Variants in SHC2 observed in about 807,000 individuals in gnomAD.
The protein encoded by SHC2 is SHC adaptor protein 2.
In SHC2, 62 loss-of-function variants were observed where a neutral mutation model predicts 60.6. The ratio of observed to expected loss-of-function variants is 1.02; its 90% CI spans 0.83 to 1.26. SHC2 has a LOEUF of 1.26. Ranked by LOEUF, SHC2 falls within the 50% of genes most tolerant of loss-of-function variation. The pLI, the probability that SHC2 is intolerant of heterozygous loss-of-function variation, is 0.00. For synonymous variants in SHC2, 375 were observed against 372.4 expected (o/e 1.01, Z -0.08); for missense variants, 873 against 822.2 (o/e 1.06, Z -0.76).
chr19:431,317 G>A (rs1233737804), intron 8 of SHC2, among the ~76,000 whole-genome samples: 64 of 142,472 alleles, frequency 4.5e-4, no homozygotes, highest in African/African-American at 9.3e-4. Flanking sequence ...AGAGGAGGCC[G>A]GGCAGATAGA....
At chr19:435,397 G>A (rs1235514048) in intron 7 of SHC2, among the ~76,000 whole-genome samples, 3 of 152,260 alleles carry the variant, frequency 2.0e-5, no homozygotes, top group Admixed American at 1.3e-4. Flanking sequence ...GGAGGCAGGC[G>A]AGGAGCCCGT....
rs57329110 is a variant in SHC2 at position 448,292 on chromosome 19, G to A, written c.469-7360C>T. ...GAGCGGATCCTCTCCACGTCCCAGA[G>A]CCGGGAGTCTGAGGTCAAGCTGCGG... On this transcript the variant is annotated intron_variant, in intron 1 of 12. Transcript: ENST00000264554. Among the ~76,000 whole-genome samples the A allele has an allele frequency of 6.4e-3, 976 of 152,308 alleles. 14 individuals carry two copies. The highest frequency in any genetic ancestry group is 0.022 in the African/African-American group (932 of 41,576).
chr19:430,781 G>A (rs1190362527), intron 8 of SHC2, 34 bp from the exon 9 acceptor site: 1 of 1,602,066 alleles, frequency 6.2e-7, no homozygotes, highest in Non-Finnish European at 8.5e-7. Flanking sequence ...TCCCCGGTGT[G>A]TGCAAGCCCC....
At chr19:420,243 A>G (rs1357557420) in intron 11 of SHC2, among the ~76,000 whole-genome samples, 1 of 152,140 alleles carries the variant, frequency 6.6e-6, no homozygotes, top group Non-Finnish European at 1.5e-5. Context: ...GGGGCTCAGG[A>G]ACTGGGAGAA....
Position 441,239 on chromosome 19 carries a change from T to C in SHC2, c.469-307A>G. ...TCTTGCCCTCGTCGGTCTCTTTCTG[T>C]TCCACCAGCACCGAAGCCGAGGAGC... On this transcript the variant is annotated intron_variant, in intron 1 of 12. Coordinates refer to ENST00000264554, the MANE Select transcript of SHC2 (RefSeq NM_012435.3). This position sits in a 1 kb window ranked among gnomAD's most constrained non-coding sequence, Gnocchi z 4.9. 2.3e-5 allele frequency: 20 copies of C among 880,700 alleles called. No individual in the cohort carries two copies. Among genetic ancestry groups the C allele is most frequent in the Non-Finnish European group, 2.7e-5 (20 of 737,006 alleles). 54.6% of individuals were successfully genotyped at this position (880,700 alleles called of 1,614,324 possible). A position where few individuals can be genotyped will look rare whatever the true frequency, so the allele number is the denominator to read the frequency against.
chr19:443,475 T>A (rs1480581943), intron 1 of SHC2, among the ~76,000 whole-genome samples: 1 of 142,960 alleles, frequency 7.0e-6, no homozygotes, highest in Non-Finnish European at 1.5e-5. Context: ...GATGGGTGGA[T>A]GAATGGATGG....
intron 1 of SHC2, among the ~76,000 whole-genome samples, chr19:451,597 G>T (rs1975199867): frequency 6.6e-6 from 1 of 152,126 alleles, no homozygotes; most frequent in Non-Finnish European, 1.5e-5. Context: ...TTAACTTTTT[G>T]GCATTTTTTG....
chr19:436,428 T>A lies in SHC2; in HGVS notation c.778A>T (p.Met260Leu), dbSNP rs757400094. The change falls in exon 6 of 13, where the codon ATG (methionine) becomes TTG (leucine). Residue 260 changes from methionine (M) to leucine (L), a missense_variant. Coordinates refer to ENST00000264554, the MANE Select transcript of SHC2 (RefSeq NM_012435.3). ...GCGACGTAGGCCACGTAATCCGTCA[T>A]GTCCTGGGGGCGGGGAGGGGCCAGC... The part of the protein sequence containing the change: ...ISFASGGDTD[M>L]TDYVAYVAKD... The A allele has an allele frequency of 1.9e-6, 3 of 1,601,784 alleles. No individual in the cohort carries two copies. The highest frequency in any genetic ancestry group is 1.7e-6 in the Non-Finnish European group (2 of 1,173,750).
intron 11 of SHC2, among the ~76,000 whole-genome samples, chr19:420,133 C>A (rs189031593): frequency 6.6e-6 from 1 of 152,144 alleles, no homozygotes; most frequent in Non-Finnish European, 1.5e-5. Context: ...CTGACCCCAG[C>A]GATCCATTTA....
In SHC2 at chr19:438,956, CA is replaced by C; in HGVS notation, c.600+13del. The C allele has an allele frequency of 6.3e-7, 1 of 1,595,984 alleles. No individual in the cohort carries two copies. Among genetic ancestry groups the C allele is most frequent in the Non-Finnish European group, 8.5e-7 (1 of 1,171,792 alleles). On this transcript the variant is annotated intron_variant, in intron 3 of 12. Transcript: ENST00000264554. This position sits in a 1 kb window ranked among gnomAD's most constrained non-coding sequence, Gnocchi z 5.0. ...GCCCCACCAGCCCCACGAGAGACCA[CA>C]AGCCTCACTCACCTTTTTCTTCCAG...
chr19:459,604 C>A (rs1975489907), intron 1 of SHC2, among the ~76,000 whole-genome samples: 1 of 149,708 alleles, frequency 6.7e-6, no homozygotes, highest in Non-Finnish European at 1.5e-5. Flanking sequence ...GGGGGAAGGA[C>A]CCCACTGAAC....
chr19:448,955 C>T (rs1198729277), intron 1 of SHC2, among the ~76,000 whole-genome samples: 1 of 151,742 alleles, frequency 6.6e-6, no homozygotes, highest in Non-Finnish European at 1.5e-5. Context: ...GAGTTCAAGA[C>T]CAGCCTGGGC....
chr19:458,659 CGGAAGT>C (rs1975447439), intron 1 of SHC2, among the ~76,000 whole-genome samples: 1 of 85,042 alleles, frequency 1.2e-5, no homozygotes, highest in Non-Finnish European at 2.3e-5. Context: ...CTTGGGGAGG[CGGAAGT>C]GGGTTCCGGG....
chr19:447,882 G>A (rs2145742630), intron 1 of SHC2, among the ~76,000 whole-genome samples: 1 of 152,346 alleles, frequency 6.6e-6, no homozygotes, highest in South Asian at 2.1e-4. Flanking sequence ...AATGAAAAGT[G>A]TCCATTCACA....
At chr19:451,106 T>TGCTGTGTTGATCCACTCATCCATCA (rs1975178763) in intron 1 of SHC2, among the ~76,000 whole-genome samples, 1 of 121,018 alleles carries the variant, frequency 8.3e-6, no homozygotes, top group Non-Finnish European at 1.7e-5. Flanking sequence ...TGGATGGCCA[T>TGCTGTGTTGATCCACTCATCCATCA]ACCATAGCCA....
At chr19:443,615 T>G (rs1357013609) in intron 1 of SHC2, among the ~76,000 whole-genome samples, 3 of 137,298 alleles carry the variant, frequency 2.2e-5, no homozygotes, top group Non-Finnish European at 3.1e-5. Flanking sequence ...GGTGAGTGGA[T>G]GGGTGGGTGG....
intron 1 of SHC2, among the ~76,000 whole-genome samples, chr19:459,549 T>C (rs112005815): frequency 0.025 from 1,700 of 69,026 alleles, 66 homozygotes; most frequent in African/African-American, 0.081. Flanking sequence ...GGAAGGACCC[T>C]ACTGAACTCA....
At position 434,792 on chromosome 19, in the gene SHC2, G is replaced by A. The variant is rs747580847; in HGVS notation, c.1027C>T (p.Pro343Ser). ...CCGCCCAGCGGCGGCTCCTTCCCCG[G>A]GATGCTGTTGTAGTAATTGTGCTCC... ...SLEHNYYNSI[P>S]GKEPPLGGLV... is the part of the protein sequence containing the mutation. The change falls in exon 8 of 13, where the codon CCG becomes TCG. Residue 343 changes from proline to serine, a missense_variant. Pro to Ser is a moderately conservative substitution (Grantham distance 74). Coordinates refer to ENST00000264554, the MANE Select transcript of SHC2 (RefSeq NM_012435.3). The A allele has an allele frequency of 4.3e-6, 7 of 1,612,894 alleles. No homozygotes were observed. Among genetic ancestry groups the A allele is most frequent in the South Asian group, 2.2e-5 (2 of 91,086 alleles).
At position 440,873 on chromosome 19, in the gene SHC2, C is replaced by A; in HGVS notation, c.528G>T (p.Thr176=). The change falls in exon 2 of 13, where the codon ACG becomes ACT. Residue 176 remains threonine (T), a synonymous_variant. Transcript: ENST00000264554. This position sits in a 1 kb window ranked among gnomAD's most constrained non-coding sequence, Gnocchi z 7.0. ...GGTTGGAGGCTCACCTGGTCACCTGCGTGCGCGTGTTAAAGTCCAGGGAGC... is the reference window on the plus strand; with the variant it reads ...GGTTGGAGGCTCACCTGGTCACCTGAGTGCGCGTGTTAAAGTCCAGGGAGC... The part of the protein sequence containing the change: ...SMRSLDFNTR[T]QVTREAINRL... The A allele has an allele frequency of 6.2e-7, 1 of 1,612,676 alleles. No individual in the cohort carries two copies.
Sources: allele counts gnomAD v4.1 joint callset (sites outside exome capture counted in the v4.1 genomes callset), GRCh38; gene constraint gnomAD v4.1.1; non-coding constraint Gnocchi (gnomAD v3.1); transcripts MANE v1.5; gene names NCBI Gene and HGNC (gene_info 2026-07-23, HGNC 2026-07-21).